Variants in HS3ST3A1 observed in about 807,000 individuals in gnomAD.
The protein encoded by HS3ST3A1 is heparan sulfate glucosamine 3-O-sulfotransferase 3A1.
Under a neutral mutation model 25.7 loss-of-function variants are expected in HS3ST3A1, and 19 were observed. The observed-to-expected ratio is 0.74, with a 90% confidence interval of 0.52 to 1.08. The LOEUF is 1.08. HS3ST3A1 is among the 50% of genes least tolerant of loss of function. HS3ST3A1 has a pLI of 0.00. For synonymous variants in HS3ST3A1, 226 were observed against 278.6 expected, an observed-to-expected ratio of 0.81 and a Z score of 1.88; for missense variants, 459 against 594.3, an observed-to-expected ratio of 0.77 and a Z score of 2.37.
intron 1 of HS3ST3A1, among the ~76,000 whole-genome samples, chr17:13,557,513 C>T (rs931600012): frequency 4.6e-5 from 7 of 151,826 alleles, no homozygotes; most frequent in Non-Finnish European, 8.8e-5. Context: ...CCAATACTCT[C>T]ACTAAATGTA....
intron 1 of HS3ST3A1, among the ~76,000 whole-genome samples, chr17:13,504,078 G>T (rs757181398): frequency 2.0e-5 from 3 of 152,140 alleles, no homozygotes; most frequent in Non-Finnish European, 2.9e-5. Context: ...CCTTTGGGAG[G>T]CCGCAGTGGG....
At chr17:13,507,264 T>C (rs987061264) in intron 1 of HS3ST3A1, among the ~76,000 whole-genome samples, 5 of 152,162 alleles carry the variant, frequency 3.3e-5, no homozygotes, top group Non-Finnish European at 7.3e-5. Flanking sequence ...TCTGATGTAT[T>C]ATTTCTTGAG....
At chr17:13,558,038 C>T (rs575385521) in intron 1 of HS3ST3A1, among the ~76,000 whole-genome samples, 70 of 152,186 alleles carry the variant, frequency 4.6e-4, no homozygotes, top group Non-Finnish European at 6.0e-4. Context: ...GAGCAGATTC[C>T]GCAGAAATCT....
intron 1 of HS3ST3A1, among the ~76,000 whole-genome samples, chr17:13,593,164 T>C (rs1388758122): frequency 6.6e-6 from 1 of 150,534 alleles, no homozygotes; most frequent in Non-Finnish European, 1.5e-5. Context: ...CATCCACAGC[T>C]CTGGCCCTAT....
At chr17:13,594,130 T>G (rs1908513240) in intron 1 of HS3ST3A1, among the ~76,000 whole-genome samples, 2 of 152,152 alleles carry the variant, frequency 1.3e-5, no homozygotes, top group African/African-American at 4.8e-5. Context: ...GGTTACGGAT[T>G]TGGGGGAAGA....
intron 1 of HS3ST3A1, among the ~76,000 whole-genome samples, chr17:13,593,233 CAAAAAAAAAA>C (rs5819419): frequency 6.8e-5 from 7 of 103,186 alleles, no homozygotes; most frequent in Admixed American, 2.2e-4. Flanking sequence ...TGTTTGTAGC[CAAAAAAAAAA>C]AAAAAAAAAA....
At chr17:13,567,124 T>C (rs1907694911) in intron 1 of HS3ST3A1, among the ~76,000 whole-genome samples, 1 of 152,226 alleles carries the variant, frequency 6.6e-6, no homozygotes, top group Non-Finnish European at 1.5e-5. Flanking sequence ...CTGAAGCCAA[T>C]GCTCATTTGC....
Position 13,601,356 on chromosome 17 carries a change from G to A in HS3ST3A1, c.-227C>T. The stretch of plus-strand genomic sequence containing the variant: ...CTGCCTCCAGTCGAGGGAGCGGGAA[G>A]GGGAACGCGGGTCCGTGCTTAAGAA... On this transcript the variant is annotated 5_prime_UTR_variant, in exon 1 of 2. Coordinates refer to ENST00000284110, the MANE Select transcript of HS3ST3A1 (RefSeq NM_006042.3). 1 of 488,892 alleles carries A rather than the reference G, an allele frequency of 2.0e-6. No individual in the cohort carries two copies. The highest frequency in any genetic ancestry group is 3.6e-6 in the Non-Finnish European group (1 of 281,646). 30.3% of individuals were successfully genotyped at this position (488,892 alleles called of 1,614,324 possible).
At chr17:13,571,748 A>G (rs765181854) in intron 1 of HS3ST3A1, among the ~76,000 whole-genome samples, 1 of 152,288 alleles carries the variant, frequency 6.6e-6, no homozygotes, top group South Asian at 2.1e-4. Flanking sequence ...TGAAATTTTC[A>G]TAATAATGTT....
intron 1 of HS3ST3A1, among the ~76,000 whole-genome samples, chr17:13,567,230 G>A (rs540823220): frequency 3.3e-5 from 5 of 152,258 alleles, no homozygotes; most frequent in African/African-American, 9.6e-5. Context: ...CAGCACATCT[G>A]TTTACAGCAT....
At chr17:13,578,393 C>CAAAAAAAA (rs397960321) in intron 1 of HS3ST3A1, among the ~76,000 whole-genome samples, 8 of 94,914 alleles carry the variant, frequency 8.4e-5, no homozygotes, top group African/African-American at 1.1e-4. Context: ...TACAAAAATA[C>CAAAAAAAA]AAAAAAAAAA....
intron 1 of HS3ST3A1, among the ~76,000 whole-genome samples, chr17:13,511,724 C>G (rs557596692): frequency 6.6e-6 from 1 of 150,786 alleles, no homozygotes; most frequent in East Asian, 1.9e-4. Flanking sequence ...ATGTTAAAAG[C>G]TAGAATGGAG....
chr17:13,585,626 G>A (rs1908238001), intron 1 of HS3ST3A1, among the ~76,000 whole-genome samples: 1 of 151,536 alleles, frequency 6.6e-6, no homozygotes, highest in African/African-American at 2.4e-5. Context: ...GTCTAGAATA[G>A]AAATAAGCAC....
intron 1 of HS3ST3A1, among the ~76,000 whole-genome samples, chr17:13,596,497 G>A (rs1480329356): frequency 6.6e-6 from 1 of 151,548 alleles, no homozygotes; most frequent in Non-Finnish European, 1.5e-5. Flanking sequence ...TATTGGGGAT[G>A]AGCCCAGAGT....
At chr17:13,530,180 G>T (rs1472451140) in intron 1 of HS3ST3A1, among the ~76,000 whole-genome samples, 1 of 152,108 alleles carries the variant, frequency 6.6e-6, no homozygotes, top group Non-Finnish European at 1.5e-5. Context: ...TCAGACATAT[G>T]CAGTCCCACC....
intron 1 of HS3ST3A1, among the ~76,000 whole-genome samples, chr17:13,568,842 G>A (rs1240495355): frequency 6.6e-6 from 1 of 152,202 alleles, no homozygotes; most frequent in Non-Finnish European, 1.5e-5. Flanking sequence ...ATGGTCCTGA[G>A]ACCAGTTCTT....
chr17:13,555,269 T>C (rs766879136), intron 1 of HS3ST3A1, among the ~76,000 whole-genome samples: 5 of 152,162 alleles, frequency 3.3e-5, no homozygotes, highest in Middle Eastern at 3.2e-3. Context: ...TTTATAAACC[T>C]ACCGTGTTTC....
intron 1 of HS3ST3A1, among the ~76,000 whole-genome samples, chr17:13,581,330 G>A (rs1468852081): frequency 1.3e-5 from 2 of 151,958 alleles, no homozygotes; most frequent in African/African-American, 4.8e-5. Context: ...AGCTGGGTGT[G>A]GTGGCACGCA....
intron 1 of HS3ST3A1, among the ~76,000 whole-genome samples, chr17:13,596,418 T>TACAC (rs10535139): frequency 0.24 from 34,888 of 146,172 alleles, 4,348 homozygotes; most frequent in African/African-American, 0.32. Flanking sequence ...TGCGCGTGCG[T>TACAC]ACACACACAC....
Sources: allele counts gnomAD v4.1 joint callset (sites outside exome capture counted in the v4.1 genomes callset), GRCh38; gene constraint gnomAD v4.1.1; transcripts MANE v1.5; gene names NCBI Gene and HGNC (gene_info 2026-07-23, HGNC 2026-07-21).